Variants in NEGR1 observed in about 807,000 individuals in gnomAD.
The protein encoded by NEGR1 is neuronal growth regulator 1.
Under a neutral mutation model 40.9 loss-of-function variants are expected in NEGR1, and 10 were observed. That is an observed-to-expected ratio of 0.24 (90% CI 0.15 to 0.42). The LOEUF (loss-of-function observed/expected upper bound fraction) is 0.42, where lower values mean the gene tolerates loss of function less well. NEGR1 is among the 10% of genes least tolerant of loss of function. The probability of loss-of-function intolerance (pLI) is 1.00; values close to 1 mark genes in which losing one functional copy is unlikely to be tolerated. For synonymous variants in NEGR1, 185 were observed against 166.8 expected, an observed-to-expected ratio of 1.11 and a Z score of -0.84; for missense variants, 352 against 438.9, an observed-to-expected ratio of 0.80 and a Z score of 1.77.
At chr1:71,452,639 T>G (rs1400825170) in intron 6 of NEGR1, among the ~76,000 whole-genome samples, 2 of 152,146 alleles carry the variant, frequency 1.3e-5, no homozygotes, top group Admixed American at 6.5e-5. Flanking sequence ...ACATTTCCCT[T>G]ATTCATTTTT....
At chr1:72,143,607 T>A (rs2100339636) in intron 1 of NEGR1, among the ~76,000 whole-genome samples, 1 of 151,620 alleles carries the variant, frequency 6.6e-6, no homozygotes. Context: ...AATTCATTAT[T>A]TTTCTGATTA....
chr1:71,949,989 C>A, intron 1 of NEGR1, among the ~76,000 whole-genome samples: 1 of 151,876 alleles, frequency 6.6e-6, no homozygotes, highest in Non-Finnish European at 1.5e-5. Context: ...GGTAAAGAGG[C>A]CGTATAAAGA....
chr1:71,936,712 A>C (rs2100234505), intron 1 of NEGR1, among the ~76,000 whole-genome samples: 1 of 152,346 alleles, frequency 6.6e-6, no homozygotes, highest in African/African-American at 2.4e-5. Context: ...CATGATGATG[A>C]CAAGCGTAAT....
At chr1:71,939,864 T>G (rs777355008) in intron 1 of NEGR1, among the ~76,000 whole-genome samples, 1 of 152,228 alleles carries the variant, frequency 6.6e-6, no homozygotes. Context: ...TTATACCATT[T>G]AAGCCTCACA....
At chr1:72,090,463 T>C (rs1648434746) in intron 1 of NEGR1, among the ~76,000 whole-genome samples, 1 of 151,922 alleles carries the variant, frequency 6.6e-6, no homozygotes, top group African/African-American at 2.4e-5. Context: ...ACACAGTTAA[T>C]TTACATTCAC....
intron 1 of NEGR1, among the ~76,000 whole-genome samples, chr1:71,946,045 G>GT (rs1208519817): frequency 1.3e-5 from 2 of 151,494 alleles, no homozygotes; most frequent in African/African-American, 4.9e-5. Context: ...AATTCTATTC[G>GT]TTTCTTTTTT....
chr1:71,580,070 A>C (rs1378249820), intron 6 of NEGR1, among the ~76,000 whole-genome samples: 1 of 152,118 alleles, frequency 6.6e-6, no homozygotes, highest in South Asian at 2.1e-4. Context: ...ATATCCAACA[A>C]TGATAGACTG....
At chr1:71,527,994 C>T (rs144794366) in intron 6 of NEGR1, among the ~76,000 whole-genome samples, 24 of 151,276 alleles carry the variant, frequency 1.6e-4, no homozygotes, top group African/African-American at 5.6e-4. Context: ...AACAGTGTTA[C>T]GTAGCTTTTG....
At chr1:71,577,167 TAAA>T (rs1648991120) in intron 6 of NEGR1, among the ~76,000 whole-genome samples, 1 of 152,168 alleles carries the variant, frequency 6.6e-6, no homozygotes, top group South Asian at 2.1e-4. Context: ...TAGTAATGAA[TAAA>T]AAATGATAAA....
intron 3 of NEGR1, among the ~76,000 whole-genome samples, chr1:71,700,889 T>C (rs552318650): frequency 6.6e-6 from 1 of 152,014 alleles, no homozygotes; most frequent in South Asian, 2.1e-4. Context: ...AAGAGGTAGA[T>C]AGAAGAGTGA....
At chr1:71,563,540 A>C (rs1165279422) in intron 6 of NEGR1, among the ~76,000 whole-genome samples, 3 of 152,018 alleles carry the variant, frequency 2.0e-5, no homozygotes, top group Non-Finnish European at 4.4e-5. Flanking sequence ...GACTGAAAGA[A>C]CTAGAAAGAC....
In NEGR1 at chr1:71,611,221, A is replaced by G. The variant is rs889312605; in HGVS notation, c.668-75T>C. 5.1e-6 allele frequency: 7 copies of G among 1,360,758 alleles called. No individual in the cohort carries two copies. In the African/African-American group the frequency reaches 1.0e-4, roughly 20 times the overall value. 84.3% of individuals were successfully genotyped at this position (1,360,758 alleles called of 1,614,324 possible). On this transcript the variant is annotated intron_variant, in intron 4 of 6. Transcript: ENST00000357731. Reference sequence around the variant, plus strand: ...CTCAACAGAAATATGACACACATATATTTTTATTCCTTCTATATTCAAAGC... The same window carrying G: ...CTCAACAGAAATATGACACACATATGTTTTTATTCCTTCTATATTCAAAGC...
chr1:72,019,026 AAGACATATGATTCGATATGT>A (rs1646734883), intron 1 of NEGR1, among the ~76,000 whole-genome samples: 1 of 152,184 alleles, frequency 6.6e-6, no homozygotes, highest in African/African-American at 2.4e-5. Context: ...ATTGGAAATC[AAGACATATGATTCGATATGT>A]ATTTTGGTGT....
chr1:72,255,856 CTTAATT>C, intron 1 of NEGR1, among the ~76,000 whole-genome samples: 1 of 152,210 alleles, frequency 6.6e-6, no homozygotes, highest in Non-Finnish European at 1.5e-5. Flanking sequence ...GCCAATACAT[CTTAATT>C]TTAAACCACT....
intron 5 of NEGR1, among the ~76,000 whole-genome samples, chr1:71,596,044 CA>C (rs148493700): frequency 0.019 from 2,572 of 132,438 alleles, 68 homozygotes; most frequent in African/African-American, 0.066. Context: ...CTCCCTGCCA[CA>C]AAAAAAAAAA....
At chr1:72,017,126 ATGTGTGTGTGTGTGTGTG>A in intron 1 of NEGR1, among the ~76,000 whole-genome samples, 1 of 146,880 alleles carries the variant, frequency 6.8e-6, no homozygotes, top group South Asian at 2.1e-4. Context: ...ATACACATAT[ATGTGTGTGTGTGTGTGTG>A]TGTGTGTGTG....
intron 2 of NEGR1, among the ~76,000 whole-genome samples, chr1:71,922,268 C>T (rs1202138218): frequency 1.3e-5 from 2 of 152,086 alleles, no homozygotes; most frequent in Non-Finnish European, 2.9e-5. Flanking sequence ...CTCTCTTTCT[C>T]CAGTCTACAA....
chr1:71,839,158 GAA>G (rs35930342), intron 2 of NEGR1, among the ~76,000 whole-genome samples: 1 of 80,926 alleles, frequency 1.2e-5, no homozygotes, highest in African/African-American at 4.2e-5. Flanking sequence ...AGATAATTGA[GAA>G]AAAAAAAAAA....
chr1:71,673,749 A>T (rs1377008407), intron 4 of NEGR1, among the ~76,000 whole-genome samples: 1 of 152,148 alleles, frequency 6.6e-6, no homozygotes, highest in Non-Finnish European at 1.5e-5. Flanking sequence ...ATCAATGCTT[A>T]TAGTAATTAC....
Sources: allele counts gnomAD v4.1 joint callset (sites outside exome capture counted in the v4.1 genomes callset), GRCh38; gene constraint gnomAD v4.1.1; transcripts MANE v1.5; gene names NCBI Gene and HGNC (gene_info 2026-07-23, HGNC 2026-07-21).